PCDHGB5: variants seen among roughly 807,000 people sequenced by gnomAD.
The protein encoded by PCDHGB5 is protocadherin gamma subfamily B, 5.
PCDHGB5 carries 48 observed loss-of-function variants against 62.9 expected under a neutral mutation model. The ratio of observed to expected loss-of-function variants is 0.76; its 90% CI spans 0.61 to 0.97. PCDHGB5 has a LOEUF of 0.97. Ranked by LOEUF, PCDHGB5 falls within the 50% of genes least tolerant of loss-of-function variation. The pLI, the probability that PCDHGB5 is intolerant of heterozygous loss-of-function variation, is 0.00. For missense variants in PCDHGB5, 1,118 were observed against 1,198.6 expected (o/e 0.93, Z 0.99); for synonymous variants, 474 against 511.2 (o/e 0.93, Z 0.98).
intron 1 of PCDHGB5, among the ~76,000 whole-genome samples, chr5:141,445,929 A>G (rs1388363296): frequency 6.6e-6 from 1 of 152,208 alleles, no homozygotes; most frequent in Non-Finnish European, 1.5e-5. Context: ...AAGATATTTG[A>G]ATTATTAAGC....
At chr5:141,473,808 C>G (rs1562041705) in intron 1 of PCDHGB5, among the ~76,000 whole-genome samples, 1 of 152,198 alleles carries the variant, frequency 6.6e-6, no homozygotes, top group Non-Finnish European at 1.5e-5. Flanking sequence ...TACTGAGGAG[C>G]AGCTGGACAA....
intron 1 of PCDHGB5, among the ~76,000 whole-genome samples, chr5:141,465,104 T>A (rs1044128193): frequency 1.3e-5 from 2 of 151,862 alleles, no homozygotes; most frequent in East Asian, 3.9e-4. Context: ...GTTTTTTTTT[T>A]AAGTGTTTTA....
rs1230717990 is a variant in PCDHGB5, at chr5:141,431,707, G to A, written c.2397+31183G>A. The A allele has an allele frequency of 6.2e-7, 1 of 1,614,232 alleles. No homozygotes were observed. Among genetic ancestry groups the A allele is most frequent in the South Asian group, 1.1e-5 (1 of 91,088 alleles). On this transcript the variant is annotated intron_variant, in intron 1 of 3. Coordinates refer to ENST00000617380, the MANE Select transcript of PCDHGB5 (RefSeq NM_018925.3). This position sits in a 1 kb window ranked among gnomAD's most constrained non-coding sequence, Gnocchi z 4.8. ...ACCACGAGGAGTCAGGATTCTACCAGATGGAAGTGCAAGCAATGGATAATG... is the reference window on the plus strand; with the variant it reads ...ACCACGAGGAGTCAGGATTCTACCAAATGGAAGTGCAAGCAATGGATAATG...
At chr5:141,403,732 G>A (rs1472288445) in intron 1 of PCDHGB5, 2 of 1,613,932 alleles carry the variant, frequency 1.2e-6, no homozygotes, top group Non-Finnish European at 1.7e-6. Context: ...CAGGCACCTG[G>A]CTGCTTACTG....
intron 1 of PCDHGB5, among the ~76,000 whole-genome samples, chr5:141,471,107 G>T (rs1023848236): frequency 1.3e-5 from 2 of 148,554 alleles, no homozygotes; most frequent in East Asian, 2.0e-4. Context: ...AGAGTGCAGT[G>T]GTGCGATCTT....
intron 1 of PCDHGB5, chr5:141,404,308 C>T (rs1241004917): frequency 6.2e-7 from 1 of 1,613,918 alleles, no homozygotes; most frequent in Middle Eastern, 1.6e-4. Flanking sequence ...CACCTGCTTT[C>T]TCTCAAGCCT....
intron 1 of PCDHGB5, among the ~76,000 whole-genome samples, chr5:141,433,999 A>G (rs1471657184): frequency 6.6e-6 from 1 of 152,070 alleles, no homozygotes; most frequent in Admixed American, 6.6e-5. Context: ...TATATTCTCT[A>G]TATATGTTTG....
intron 1 of PCDHGB5, chr5:141,420,333 A>G (rs778366534): frequency 2.1e-6 from 3 of 1,402,720 alleles, no homozygotes; most frequent in Non-Finnish European, 2.9e-6. Flanking sequence ...ATATATTCCA[A>G]TATAGTGGTA....
chr5:141,403,953 T>C, intron 1 of PCDHGB5: 1 of 1,613,860 alleles, frequency 6.2e-7, no homozygotes, highest in South Asian at 1.1e-5. Flanking sequence ...ACAAAAGTGC[T>C]CATTTCGGTG....
chr5:141,496,980 G>T (rs186715298), intron 2 of PCDHGB5, among the ~76,000 whole-genome samples: 1 of 151,974 alleles, frequency 6.6e-6, no homozygotes, highest in Admixed American at 6.6e-5. Flanking sequence ...GAGGTCAGGG[G>T]TTTGAGACCA....
intron 1 of PCDHGB5, among the ~76,000 whole-genome samples, chr5:141,467,820 G>T (rs1278112158): frequency 6.6e-6 from 1 of 151,884 alleles, no homozygotes; most frequent in African/African-American, 2.4e-5. Flanking sequence ...CACCACACCA[G>T]GCTGATTTTT....
At chr5:141,409,719 CAGTG>C (rs2095305881) in intron 1 of PCDHGB5, 2 of 1,613,090 alleles carry the variant, frequency 1.2e-6, no homozygotes, top group South Asian at 2.2e-5. Flanking sequence ...TCATACGTGT[CAGTG>C]AGCGCGCAGA....
intron 1 of PCDHGB5, among the ~76,000 whole-genome samples, chr5:141,474,085 AAAAC>A (rs937548165): frequency 1.3e-5 from 2 of 152,188 alleles, no homozygotes; most frequent in African/African-American, 4.8e-5. Flanking sequence ...CAAAAACCAA[AAAAC>A]AAACAACAAC....
intron 1 of PCDHGB5, among the ~76,000 whole-genome samples, chr5:141,453,095 G>T (rs1254113352): frequency 6.6e-6 from 1 of 151,962 alleles, no homozygotes; most frequent in African/African-American, 2.4e-5. Flanking sequence ...TATATTTTCT[G>T]TTGCTTTTTT....
intron 1 of PCDHGB5, chr5:141,413,804 CCATTCACCACCTGGTCCTCA>C: frequency 1.2e-6 from 2 of 1,613,194 alleles, no homozygotes; most frequent in Non-Finnish European, 1.7e-6. Flanking sequence ...GAGGAAGAGG[CCATTCACCACCTGGTCCTCA>C]CCGCCTCCGA....
At chr5:141,478,838 T>C (rs1439577444) in intron 1 of PCDHGB5, 1 of 1,426,484 alleles carries the variant, frequency 7.0e-7, no homozygotes, top group Non-Finnish European at 9.2e-7. Flanking sequence ...TAAGGGATGG[T>C]TAAGCTAAAA....
At position 141,431,754 on chromosome 5, in the gene PCDHGB5, A is replaced by C; in HGVS notation, c.2397+31230A>C. ...AATGCAGGATATTCTGCGCGAGCCA[A>C]AGTCCTGATCACTGTTCTGGACGTG... On this transcript the variant is annotated intron_variant, in intron 1 of 3. Transcript: ENST00000617380. The surrounding 1 kb of genome is among the most constrained non-coding windows in gnomAD (Gnocchi z 4.8). The C allele has an allele frequency of 6.2e-7, 1 of 1,614,208 alleles. No individual in the cohort carries two copies. Among genetic ancestry groups the C allele is most frequent in the Middle Eastern group, 1.6e-4 (1 of 6,062 alleles).
At chr5:141,503,802 G>A (rs2099831646) in intron 2 of PCDHGB5, among the ~76,000 whole-genome samples, 1 of 151,998 alleles carries the variant, frequency 6.6e-6, no homozygotes, top group South Asian at 2.1e-4. Context: ...CTTAGGGACG[G>A]GGAATCCCAG....
chr5:141,417,782 C>T (rs2096161767), intron 1 of PCDHGB5: 1 of 1,473,310 alleles, frequency 6.8e-7, no homozygotes, highest in Non-Finnish European at 9.0e-7. Flanking sequence ...CTGTCCTGGG[C>T]CGAATGCTCT....
Sources: allele counts gnomAD v4.1 joint callset (sites outside exome capture counted in the v4.1 genomes callset), GRCh38; gene constraint gnomAD v4.1.1; non-coding constraint Gnocchi (gnomAD v3.1); transcripts MANE v1.5; gene names NCBI Gene and HGNC (gene_info 2026-07-23, HGNC 2026-07-21).